Variants in BRIP1 observed in about 807,000 individuals in gnomAD.
BRIP1 encodes the protein Fanconi anemia group J protein.
Under a neutral mutation model 119.7 loss-of-function variants are expected in BRIP1, and 88 were observed. That is an observed-to-expected ratio of 0.74 (90% CI 0.62 to 0.88). The LOEUF is 0.88. BRIP1 is among the 40% of genes least tolerant of loss of function. The pLI is 0.00. For missense variants in BRIP1, 1,259 were observed against 1,455.4 expected (o/e 0.87, Z 2.20); for synonymous variants, 443 against 496.5 (o/e 0.89, Z 1.43).
In BRIP1 at chr17:61,724,145, A is replaced by G. The variant is rs1294770147; in HGVS notation, c.2380-8082T>C. Among the ~76,000 whole-genome samples, 1 of 152,132 alleles carries G rather than the reference A, an allele frequency of 6.6e-6. No individual in the cohort carries two copies. The highest frequency in any genetic ancestry group is 1.9e-4 in the East Asian group (1 of 5,194). ...TGCATCAAAATCTAACCTAACTGAC[A>G]TAAGTAGAAATAAGATCCTCAATAT... On this transcript the variant is annotated intron_variant, in intron 16 of 19. Transcript: ENST00000259008. The surrounding 1 kb of genome is among the most constrained non-coding windows in gnomAD (Gnocchi z 5.1).
At position 61,832,462 on chromosome 17, in the gene BRIP1, T is replaced by TA. The variant is rs746902572; in HGVS notation, c.627+14638dup. The stretch of plus-strand genomic sequence containing the variant: ...AAAGTTATATTTTTTACCTAGCAGA[T>TA]ATCATATTAATCAAGTTATCAATCA... On this transcript the variant is annotated intron_variant, in intron 6 of 19. Transcript: ENST00000259008. This position sits in a 1 kb window ranked among gnomAD's most constrained non-coding sequence, Gnocchi z 5.5. Among the ~76,000 whole-genome samples the TA allele has an allele frequency of 1.3e-5, 2 of 152,212 alleles. No individual in the cohort carries two copies. Among genetic ancestry groups the TA allele is most frequent in the Non-Finnish European group, 2.9e-5 (2 of 68,036 alleles).
chr17:61,777,650 A>G (rs544391556), intron 13 of BRIP1, among the ~76,000 whole-genome samples: 14 of 152,282 alleles, frequency 9.2e-5, no homozygotes, highest in African/African-American at 2.9e-4. Flanking sequence ...AAAAAATATT[A>G]CAAAGGATAC....
chr17:61,780,933 T>G lies in BRIP1; in HGVS notation c.1701A>C (p.Lys567Asn). 1 of 1,614,116 alleles carries G rather than the reference T, an allele frequency of 6.2e-7. No homozygotes were observed. The highest frequency in any genetic ancestry group is 1.3e-5 in the African/African-American group (1 of 75,040). The stretch of plus-strand genomic sequence containing the variant: ...TTTTTGGTAGAACCAACAACCCATT[T>G]TTGTCTGAAATATCAATCTGATTTG... Reference protein sequence around the residue: ...SWTNQIDISDKNGLLVLPKNK... With the variant: ...SWTNQIDISDNNGLLVLPKNK... The change falls in exon 12 of 20, where the codon AAA becomes AAC. Residue 567 changes from lysine to asparagine, a missense_variant. This residue lies in a region of BRIP1 where 753 missense variants were observed against 891.8 expected (regional missense o/e 0.84). Coordinates refer to ENST00000259008, the MANE Select transcript of BRIP1 (RefSeq NM_032043.3). This position sits in a 1 kb window ranked among gnomAD's most constrained non-coding sequence, Gnocchi z 5.4.
intron 17 of BRIP1, among the ~76,000 whole-genome samples, chr17:61,694,066 T>TA (rs1157989122): frequency 6.6e-6 from 1 of 152,076 alleles, no homozygotes; most frequent in Non-Finnish European, 1.5e-5. Context: ...TTTGCTAGTT[T>TA]AAAAAAACAC....
rs2078898918 is a variant in BRIP1 at position 61,856,575 on chromosome 17, T to C, written c.379+483A>G. Among the ~76,000 whole-genome samples, 2 of 152,266 alleles carry C rather than the reference T, an allele frequency of 1.3e-5. No homozygotes were observed. The highest frequency in any genetic ancestry group is 1.9e-4 in the East Asian group (1 of 5,190). On this transcript the variant is annotated intron_variant, in intron 4 of 19. Coordinates refer to ENST00000259008, the MANE Select transcript of BRIP1 (RefSeq NM_032043.3). The surrounding 1 kb of genome is among the most constrained non-coding windows in gnomAD (Gnocchi z 5.1). Reference sequence around the variant, plus strand: ...TTTAAATATATTATTAATAATCTTATGTTACTCTTAATGTATTTCTCTAAA... The same window carrying C: ...TTTAAATATATTATTAATAATCTTACGTTACTCTTAATGTATTTCTCTAAA...
chr17:61,679,641 CTA>C lies in BRIP1; in HGVS notation c.*3653_*3654del, dbSNP rs1473822949. ...CAAATCTTTATTGTCAGTCTATCAC[CTA>C]TATATCTATAGTTAGGGAAGCTTTC... On this transcript the variant is annotated 3_prime_UTR_variant, in exon 20 of 20. Transcript: ENST00000259008. This position sits in a 1 kb window ranked among gnomAD's most constrained non-coding sequence, Gnocchi z 4.4. Among the ~76,000 whole-genome samples, 7 of 152,160 alleles carry C rather than the reference CTA, an allele frequency of 4.6e-5. No individual in the cohort carries two copies. The highest frequency in any genetic ancestry group is 1.7e-4 in the African/African-American group (7 of 41,434).
Position 61,803,425 on chromosome 17 carries a change from G to A in BRIP1, c.919-1951C>T, listed in dbSNP as rs2078025563. Among the ~76,000 whole-genome samples the A allele has an allele frequency of 6.6e-6, 1 of 152,080 alleles. No homozygotes were observed. Among genetic ancestry groups the A allele is most frequent in the Non-Finnish European group, 1.5e-5 (1 of 68,020 alleles). On this transcript the variant is annotated intron_variant, in intron 7 of 19. Transcript: ENST00000259008. This position sits in a 1 kb window ranked among gnomAD's most constrained non-coding sequence, Gnocchi z 4.3. The stretch of plus-strand genomic sequence containing the variant: ...AAATAAAAAAATTTCATTACAGGCT[G>A]GGCACAGTGGCTCATGCCTATAATC...
Position 61,794,468 on chromosome 17 carries a change from T to C in BRIP1, c.1341-739A>G, listed in dbSNP as rs2077868811. 6.6e-6 allele frequency among the ~76,000 whole-genome samples: 1 copy of C among 152,008 alleles called. No individual in the cohort carries two copies. Among genetic ancestry groups the C allele is most frequent in the Non-Finnish European group, 1.5e-5 (1 of 67,996 alleles). On this transcript the variant is annotated intron_variant, in intron 9 of 19. Coordinates refer to ENST00000259008, the MANE Select transcript of BRIP1 (RefSeq NM_032043.3). This position sits in a 1 kb window ranked among gnomAD's most constrained non-coding sequence, Gnocchi z 4.3. The stretch of plus-strand genomic sequence containing the variant: ...AGAAAATACTGCATGTTCTCACTTA[T>C]AAGTGAGAGCTAAATGATGAGACCA...
Position 61,759,370 on chromosome 17 carries a change from A to G in BRIP1, c.2098-14779T>C, listed in dbSNP as rs1488104063. On this transcript the variant is annotated intron_variant, in intron 14 of 19. Coordinates refer to ENST00000259008, the MANE Select transcript of BRIP1 (RefSeq NM_032043.3). The surrounding 1 kb of genome is among the most constrained non-coding windows in gnomAD (Gnocchi z 4.9). Reference sequence around the variant, plus strand: ...AAAAAAAGGTCAATTCATCAAGAGGATATAACAATTGTAAATACACATGCA... The same window carrying G: ...AAAAAAAGGTCAATTCATCAAGAGGGTATAACAATTGTAAATACACATGCA... Among the ~76,000 whole-genome samples, 1 of 152,158 alleles carries G rather than the reference A, an allele frequency of 6.6e-6. No homozygotes were observed.
At chr17:61,836,321 G>A (rs923956317) in intron 6 of BRIP1, among the ~76,000 whole-genome samples, 2 of 151,838 alleles carry the variant, frequency 1.3e-5, no homozygotes, top group Admixed American at 6.6e-5. Context: ...TTGCTATGTT[G>A]CCCAGGCTGA....
chr17:61,758,027 A>T lies in BRIP1; in HGVS notation c.2098-13436T>A, dbSNP rs956471322. ...AAAAGAGAAAAAAGAAAAGAAAACAATAAGAACTCAATACTATGTTATGTA... is the reference window on the plus strand; with the variant it reads ...AAAAGAGAAAAAAGAAAAGAAAACATTAAGAACTCAATACTATGTTATGTA... On this transcript the variant is annotated intron_variant, in intron 14 of 19. Transcript: ENST00000259008. The surrounding 1 kb of genome is among the most constrained non-coding windows in gnomAD (Gnocchi z 5.3). 1.1e-4 allele frequency among the ~76,000 whole-genome samples: 16 copies of T among 152,206 alleles called. No homozygotes were observed. The highest frequency in any genetic ancestry group is 3.9e-4 in the African/African-American group (16 of 41,554).
chr17:61,698,733 A>T (rs746424581), intron 17 of BRIP1, among the ~76,000 whole-genome samples: 16 of 149,082 alleles, frequency 1.1e-4, no homozygotes, highest in Non-Finnish European at 2.2e-4. Context: ...TTTTTTTTTG[A>T]GACAGGGTCT....
At chr17:61,782,855 G>A (rs2077644698) in intron 11 of BRIP1, among the ~76,000 whole-genome samples, 1 of 152,060 alleles carries the variant, frequency 6.6e-6, no homozygotes, top group Non-Finnish European at 1.5e-5. Context: ...ATAAAATAAC[G>A]AGTGTCAGCA....
chr17:61,766,768 AT>A (rs1036181565), intron 14 of BRIP1, among the ~76,000 whole-genome samples: 14 of 151,430 alleles, frequency 9.2e-5, no homozygotes, highest in East Asian at 3.9e-4. Context: ...ATAAAGATGT[AT>A]TTTTTTTTAA....
intron 16 of BRIP1, among the ~76,000 whole-genome samples, chr17:61,737,440 G>T (rs1298586398): frequency 6.6e-6 from 1 of 152,030 alleles, no homozygotes; most frequent in Admixed American, 6.6e-5. Flanking sequence ...ACTCTTCAAG[G>T]AAAACATTAG....
chr17:61,785,491 TAAGA>T (rs1042473867), intron 10 of BRIP1, among the ~76,000 whole-genome samples: 3 of 152,018 alleles, frequency 2.0e-5, no homozygotes, highest in Non-Finnish European at 2.9e-5. Flanking sequence ...ATAGGATAAA[TAAGA>T]AAGATACATT....
At position 61,824,029 on chromosome 17, in the gene BRIP1, G is replaced by C. The variant is rs1415517634; in HGVS notation, c.628-15272C>G. Among the ~76,000 whole-genome samples the C allele has an allele frequency of 6.6e-6, 1 of 152,042 alleles. No individual in the cohort carries two copies. Among genetic ancestry groups the C allele is most frequent in the Non-Finnish European group, 1.5e-5 (1 of 68,006 alleles). ...AGGGTGTCACCATGTTAGCCAGGCTGGTCTCAAACTCCTGACCTCAGGTGA... is the reference window on the plus strand; with the variant it reads ...AGGGTGTCACCATGTTAGCCAGGCTCGTCTCAAACTCCTGACCTCAGGTGA... On this transcript the variant is annotated intron_variant, in intron 6 of 19. Transcript: ENST00000259008. This position sits in a 1 kb window ranked among gnomAD's most constrained non-coding sequence, Gnocchi z 4.3.
At position 61,722,506 on chromosome 17, in the gene BRIP1, A is replaced by G. The variant is rs2061997465; in HGVS notation, c.2380-6443T>C. ...AAAATTCTGTCCAGCTGGGAAAAAT[A>G]TATGTATTTCCTACCTATCTCTCAA... On this transcript the variant is annotated intron_variant, in intron 16 of 19. Coordinates refer to ENST00000259008, the MANE Select transcript of BRIP1 (RefSeq NM_032043.3). This position sits in a 1 kb window ranked among gnomAD's most constrained non-coding sequence, Gnocchi z 4.6. Among the ~76,000 whole-genome samples the G allele has an allele frequency of 6.6e-6, 1 of 152,262 alleles. No homozygotes were observed. Among genetic ancestry groups the G allele is most frequent in the African/African-American group, 2.4e-5 (1 of 41,468 alleles).
At position 61,819,185 on chromosome 17, in the gene BRIP1, CA is replaced by C. The variant is rs3034662; in HGVS notation, c.628-10429del. 3.3e-3 allele frequency among the ~76,000 whole-genome samples: 444 copies of C among 135,818 alleles called. 3 individuals carry two copies. The highest frequency in any genetic ancestry group is 8.0e-3 in the African/African-American group (295 of 37,028). 89.1% of individuals were successfully genotyped at this position (135,818 alleles called of 152,430 possible). Reference sequence around the variant, plus strand: ...TGGGCAACAGAGTGAGAATTTGTCTCAAAAAAAAAAAAAAAAGGCTTTTATC... The same window carrying C: ...TGGGCAACAGAGTGAGAATTTGTCTCAAAAAAAAAAAAAAAGGCTTTTATC... On this transcript the variant is annotated intron_variant, in intron 6 of 19. Transcript: ENST00000259008.
Sources: gnomAD v4.1 joint callset for allele counts (sites outside exome capture counted in the v4.1 genomes callset) on GRCh38, gnomAD v4.1.1 for gene constraint, gnomAD v4.1.1 regional missense constraint, Gnocchi (gnomAD v3.1) non-coding constraint, MANE v1.5 for transcripts, NCBI Gene and HGNC (gene_info 2026-07-23, HGNC 2026-07-21) for gene names.